PGAP2: variants seen among roughly 807,000 people sequenced by gnomAD.
PGAP2 encodes acyltransferase PGAP2.
A neutral mutation model predicts 33.2 loss-of-function variants in PGAP2; 21 were observed. The observed-to-expected ratio is 0.63, with a 90% CI of 0.45 to 0.91. The LOEUF (loss-of-function observed/expected upper bound fraction) is 0.91. PGAP2 is among the 40% of genes least tolerant of loss of function. PGAP2 has a pLI of 0.00. For synonymous variants in PGAP2, 161 were observed against 172.9 expected, an observed-to-expected ratio of 0.93 and a Z score of 0.54; for missense variants, 345 against 424.0, an observed-to-expected ratio of 0.81 and a Z score of 1.64.
intron 1 of PGAP2, chr11:3,798,249 A>G (rs963188050): frequency 2.5e-6 from 2 of 792,622 alleles, no homozygotes; most frequent in Non-Finnish European, 3.6e-6. Context: ...GCCCTAAGGG[A>G]CTGGCCCACC....
At chr11:3,819,719 T>C (rs2088056887) in intron 3 of PGAP2, among the ~76,000 whole-genome samples, 1 of 152,192 alleles carries the variant, frequency 6.6e-6, no homozygotes, top group South Asian at 2.1e-4. Context: ...GGGTGAGCTG[T>C]GTACCCAGTT....
At chr11:3,800,554 G>A (rs1366032173) in intron 1 of PGAP2, among the ~76,000 whole-genome samples, 3 of 151,690 alleles carry the variant, frequency 2.0e-5, no homozygotes, top group Non-Finnish European at 2.9e-5. Flanking sequence ...GCTCACGCCT[G>A]TAATCCCAGC....
chr11:3,797,942 G>A, exon 1 of PGAP2: 2 of 1,548,746 alleles, frequency 1.3e-6, no homozygotes, highest in Non-Finnish European at 1.7e-6. Context: ...TCGGGCTGAG[G>A]GAGCTCGGGC....
chr11:3,824,706 C>A, intron 5 of PGAP2: 1 of 985,712 alleles, frequency 1.0e-6, no homozygotes, highest in Non-Finnish European at 1.4e-6. Context: ...AGCGCCCCAC[C>A]CATGTACATG....
intron 3 of PGAP2, chr11:3,818,046 C>CA: frequency 1.4e-5 from 2 of 144,010 alleles, no homozygotes; most frequent in South Asian, 1.7e-4. Context: ...AACCCTGTCT[C>CA]AAAAACAAAA....
chr11:3,823,960 C>CG lies in PGAP2; in HGVS notation c.428dup (p.Leu144ProfsTer127). The CG allele has an allele frequency of 6.2e-7, 1 of 1,610,588 alleles. No individual in the cohort carries two copies. The highest frequency in any genetic ancestry group is 8.5e-7 in the Non-Finnish European group (1 of 1,179,932). On this transcript the variant is annotated frameshift_variant, in exon 4 of 7. Transcript: ENST00000278243. LOFTEE classifies it high-confidence loss of function. The stretch of plus-strand genomic sequence containing the variant: ...AGCGCTACGTGTGGCGTTTCTGCAT[C>CG]GGCCTGCACTCGGCGCCTCGCTTCT...
upstream of PGAP2, among the ~76,000 whole-genome samples, chr11:3,807,018 C>T (rs2084482316): frequency 7.0e-6 from 1 of 141,852 alleles, no homozygotes; most frequent in African/African-American, 2.7e-5. Flanking sequence ...GAGACTCTGT[C>T]TCCAAAAAAA....
chr11:3,803,158 T>C (rs2083744786), intron 1 of PGAP2, among the ~76,000 whole-genome samples: 1 of 151,664 alleles, frequency 6.6e-6, no homozygotes, highest in African/African-American at 2.4e-5. Flanking sequence ...CATGCCCAGT[T>C]AATTTTGTGT....
intron 5 of PGAP2, 22 bp from the exon 6 acceptor site, chr11:3,824,998 G>C: frequency 6.2e-7 from 1 of 1,614,014 alleles, no homozygotes; most frequent in Admixed American, 1.7e-5. Flanking sequence ...GCTGCAGAGT[G>C]ATCAGACAGC....
At chr11:3,813,463 A>C (rs890953371) in intron 2 of PGAP2, among the ~76,000 whole-genome samples, 13 of 152,060 alleles carry the variant, frequency 8.5e-5, no homozygotes, top group Admixed American at 8.5e-4. Context: ...AGCTCACTGC[A>C]GCCTCAACCA....
intron 1 of PGAP2, among the ~76,000 whole-genome samples, chr11:3,798,555 T>C (rs1202755511): frequency 6.6e-6 from 1 of 151,922 alleles, no homozygotes; most frequent in African/African-American, 2.4e-5. Context: ...GGTCTCGAAC[T>C]CCTGATCTCA....
intron 3 of PGAP2, chr11:3,822,833 C>T: frequency 8.9e-6 from 7 of 785,626 alleles, no homozygotes; most frequent in Non-Finnish European, 1.4e-5. Flanking sequence ...TTCAGTCATC[C>T]CCCATCCTTT....
At chr11:3,818,404 G>C (rs189254894) in intron 3 of PGAP2, among the ~76,000 whole-genome samples, 5 of 151,982 alleles carry the variant, frequency 3.3e-5, no homozygotes, top group Non-Finnish European at 7.4e-5. Flanking sequence ...GAAGGGATTG[G>C]AATGGGCAGG....
upstream of PGAP2, among the ~76,000 whole-genome samples, chr11:3,805,356 G>T (rs909386776): frequency 6.6e-6 from 1 of 150,598 alleles, no homozygotes; most frequent in Admixed American, 6.6e-5. Flanking sequence ...CTGCCTCCAG[G>T]GTTCAAGCAA....
chr11:3,814,748 T>TTTCTTTCTTTC (rs1565011131), intron 2 of PGAP2, among the ~76,000 whole-genome samples: 1 of 112,656 alleles, frequency 8.9e-6, no homozygotes, highest in African/African-American at 3.3e-5. Flanking sequence ...TCTTTCCTTC[T>TTTCTTTCTTTC]TTTCTTTCTT....
At chr11:3,818,622 G>A (rs1248452607) in intron 3 of PGAP2, among the ~76,000 whole-genome samples, 1 of 152,164 alleles carries the variant, frequency 6.6e-6, no homozygotes. Context: ...TCCACTCAGG[G>A]ATCTGCCAGC....
upstream of PGAP2, among the ~76,000 whole-genome samples, chr11:3,807,729 A>T (rs539097881): frequency 6.6e-6 from 1 of 152,304 alleles, no homozygotes; most frequent in Admixed American, 6.5e-5. Context: ...GATGTTAGGT[A>T]TGGCTAACTT....
chr11:3,797,874 T>A, exon 1 of PGAP2: 1 of 1,547,870 alleles, frequency 6.5e-7, no homozygotes. Flanking sequence ...CGGCGGGGTG[T>A]CGGGAAGGGT....
At chr11:3,808,510 G>T (rs1366319471), upstream of PGAP2, 6 of 1,396,948 alleles carry the variant, frequency 4.3e-6, no homozygotes, top group Non-Finnish European at 4.6e-6. Flanking sequence ...GGATCTGGGC[G>T]CAGTTTCCTC....
Sources: allele counts gnomAD v4.1 joint callset (sites outside exome capture counted in the v4.1 genomes callset), GRCh38; gene constraint gnomAD v4.1.1; transcripts MANE v1.5; gene names NCBI Gene and HGNC (gene_info 2026-07-23, HGNC 2026-07-21).